Variants in FRMD5 observed in about 807,000 individuals in gnomAD.
The protein encoded by FRMD5 is FERM domain containing 5.
FRMD5 carries 20 observed loss-of-function variants against 69.0 expected under a neutral mutation model. The ratio of observed to expected loss-of-function variants is 0.29; its 90% confidence interval spans 0.20 to 0.42. The LOEUF (loss-of-function observed/expected upper bound fraction) is 0.42. FRMD5 is among the 10% of genes least tolerant of loss of function. FRMD5 has a pLI of 1.00. For missense variants in FRMD5, 595 were observed against 708.6 expected (o/e 0.84, Z 1.82); for synonymous variants, 271 against 260.1 (o/e 1.04, Z -0.40).
chr15:43,900,186 C>G (rs891643272), intron 7 of FRMD5, among the ~76,000 whole-genome samples: 2 of 152,172 alleles, frequency 1.3e-5, no homozygotes, highest in African/African-American at 4.8e-5. Flanking sequence ...CTCAGAGAAG[C>G]TCCCAAAGGC....
intron 1 of FRMD5, among the ~76,000 whole-genome samples, chr15:43,995,923 C>T (rs1189990426): frequency 6.6e-6 from 1 of 152,062 alleles, no homozygotes; most frequent in Non-Finnish European, 1.5e-5. Context: ...AGCCTGGACC[C>T]TGGATCTGCT....
chr15:44,100,386 A>C (rs1347428066), intron 1 of FRMD5, among the ~76,000 whole-genome samples: 1 of 152,024 alleles, frequency 6.6e-6, no homozygotes, highest in East Asian at 1.9e-4. Context: ...ACAGTTTTGC[A>C]TCCCAACTCT....
chr15:44,003,542 CTACTT>C (rs1890306245), intron 1 of FRMD5, among the ~76,000 whole-genome samples: 1 of 152,124 alleles, frequency 6.6e-6, no homozygotes, highest in Non-Finnish European at 1.5e-5. Context: ...CTTCATCATC[CTACTT>C]TACTCCAAAC....
At chr15:43,960,091 T>C (rs2090173014) in intron 1 of FRMD5, among the ~76,000 whole-genome samples, 1 of 150,922 alleles carries the variant, frequency 6.6e-6, no homozygotes, top group Non-Finnish European at 1.5e-5. Context: ...CTAATTTTGT[T>C]TTGTTTTGTT....
At chr15:44,011,268 A>C (rs1890708267) in intron 1 of FRMD5, among the ~76,000 whole-genome samples, 1 of 152,024 alleles carries the variant, frequency 6.6e-6, no homozygotes, top group Admixed American at 6.6e-5. Flanking sequence ...TGAAGACGAT[A>C]AGAACTGCTC....
At chr15:43,877,065 G>A (rs987626843) in intron 13 of FRMD5, among the ~76,000 whole-genome samples, 38 of 152,252 alleles carry the variant, frequency 2.5e-4, no homozygotes, top group African/African-American at 6.3e-4. Flanking sequence ...GTGAGTGAGC[G>A]CGGCCCCCAT....
rs2089412073 is a variant in FRMD5 at position 43,917,465 on chromosome 15, A to C, written c.329+1994T>G. 2.0e-5 allele frequency among the ~76,000 whole-genome samples: 3 copies of C among 152,118 alleles called. No individual in the cohort carries two copies. The South Asian group carries it at 6.2e-4, about 32-fold the overall frequency. On this transcript the variant is annotated intron_variant, in intron 4 of 13. Coordinates refer to ENST00000417257, the MANE Select transcript of FRMD5 (RefSeq NM_032892.5). ...GAGTGTAATGCCGCAATCTTGGCTT[A>C]CTGCAACCTCCACCTCACGGGTTCA...
chr15:43,973,200 T>C (rs1042974267), intron 1 of FRMD5, among the ~76,000 whole-genome samples: 3 of 152,008 alleles, frequency 2.0e-5, no homozygotes, highest in Non-Finnish European at 4.4e-5. Flanking sequence ...TTTTTTGTAT[T>C]TTTAGTAGAG....
At chr15:44,037,914 C>G (rs1035157684) in intron 1 of FRMD5, among the ~76,000 whole-genome samples, 1 of 152,168 alleles carries the variant, frequency 6.6e-6, no homozygotes, top group African/African-American at 2.4e-5. Flanking sequence ...AATTTACACT[C>G]CCACCAACAA....
intron 1 of FRMD5, among the ~76,000 whole-genome samples, chr15:44,155,984 G>A (rs1378699377): frequency 6.6e-6 from 1 of 151,652 alleles, no homozygotes; most frequent in African/African-American, 2.4e-5. Context: ...AGGAAAGCAG[G>A]AAAAAAAGAG....
chr15:44,076,320 A>G (rs1322027103), intron 1 of FRMD5, among the ~76,000 whole-genome samples: 1 of 151,396 alleles, frequency 6.6e-6, no homozygotes, highest in Non-Finnish European at 1.5e-5. Context: ...AGACACATGC[A>G]CACGTATGTT....
intron 1 of FRMD5, among the ~76,000 whole-genome samples, chr15:43,979,103 C>T (rs1489580123): frequency 2.6e-5 from 4 of 151,844 alleles, no homozygotes; most frequent in Admixed American, 1.3e-4. Context: ...TTTGGGAGGC[C>T]GAGGCGGGCT....
At chr15:43,874,486 G>A in intron 13 of FRMD5, 24 bp from the exon 14 acceptor site, 1 of 1,585,258 alleles carries the variant, frequency 6.3e-7, no homozygotes, top group Non-Finnish European at 8.7e-7. Flanking sequence ...AGGAACATGA[G>A]TAGGCTGTGT....
intron 1 of FRMD5, among the ~76,000 whole-genome samples, chr15:43,962,804 G>T (rs1254864195): frequency 6.6e-6 from 1 of 152,204 alleles, no homozygotes; most frequent in Non-Finnish European, 1.5e-5. Context: ...AAGCAATGGG[G>T]AAAGGATTCC....
chr15:44,167,911 T>C (rs1008788121), intron 1 of FRMD5, among the ~76,000 whole-genome samples: 2 of 152,206 alleles, frequency 1.3e-5, no homozygotes, highest in South Asian at 2.1e-4. Context: ...AACTTCAAAT[T>C]TGTGACAGAG....
chr15:43,904,077 C>T (rs2089113428), intron 6 of FRMD5, among the ~76,000 whole-genome samples: 1 of 152,154 alleles, frequency 6.6e-6, no homozygotes, highest in South Asian at 2.1e-4. Context: ...TCGGTGTCGC[C>T]ATTCCGCTGG....
intron 7 of FRMD5, among the ~76,000 whole-genome samples, chr15:43,894,829 G>A (rs2088877202): frequency 6.6e-6 from 1 of 152,202 alleles, no homozygotes; most frequent in African/African-American, 2.4e-5. Context: ...CACTCATTGT[G>A]TGGCTGTGGC....
intron 13 of FRMD5, among the ~76,000 whole-genome samples, chr15:43,883,383 C>A (rs1285418881): frequency 6.6e-6 from 1 of 152,176 alleles, no homozygotes; most frequent in African/African-American, 2.4e-5. Context: ...CAGGTGTGAG[C>A]CACCGCACAG....
chr15:43,955,727 A>C (rs1025274426), intron 1 of FRMD5, among the ~76,000 whole-genome samples: 6 of 152,196 alleles, frequency 3.9e-5, no homozygotes, highest in Admixed American at 6.5e-5. Context: ...CAATAAAAGA[A>C]CAAATTATTC....
Sources: allele counts gnomAD v4.1 joint callset (sites outside exome capture counted in the v4.1 genomes callset), GRCh38; gene constraint gnomAD v4.1.1; transcripts MANE v1.5; gene names NCBI Gene and HGNC (gene_info 2026-07-23, HGNC 2026-07-21).